Variants in PWWP2B observed in about 807,000 individuals in gnomAD.
PWWP2B encodes the protein PWWP domain containing 2B, also known as PWWP domain-containing protein 2B.
PWWP2B carries 9 observed loss-of-function variants against 15.5 expected under a neutral mutation model. That is an observed-to-expected ratio of 0.58 (90% CI 0.35 to 1.02). The LOEUF is 1.02. Ranked by LOEUF, PWWP2B falls within the 50% of genes least tolerant of loss-of-function variation. The pLI is 0.02. For synonymous variants in PWWP2B, 474 were observed against 403.6 expected (o/e 1.17, Z -2.09); for missense variants, 864 against 865.3 (o/e 1.00, Z 0.02).
chr10:132,414,515 C>T (rs576136607), intron 2 of PWWP2B, among the ~76,000 whole-genome samples: 2 of 152,316 alleles, frequency 1.3e-5, no homozygotes, highest in East Asian at 3.9e-4. Flanking sequence ...CCTCCTGACC[C>T]ATCTTGCACG....
intron 2 of PWWP2B, among the ~76,000 whole-genome samples, chr10:132,413,670 C>T (rs938424067): frequency 2.0e-5 from 3 of 152,268 alleles, no homozygotes; most frequent in South Asian, 2.1e-4. Flanking sequence ...AGGGCCCCAT[C>T]GTCCTTCCGG....
intron 2 of PWWP2B, among the ~76,000 whole-genome samples, chr10:132,410,931 C>T (rs2069770790): frequency 6.6e-6 from 1 of 152,216 alleles, no homozygotes; most frequent in Non-Finnish European, 1.5e-5. Flanking sequence ...CCCTCCTGCC[C>T]TGGCAGGGGA....
At chr10:132,403,685 A>T (rs1461459070) in intron 1 of PWWP2B, among the ~76,000 whole-genome samples, 1 of 152,250 alleles carries the variant, frequency 6.6e-6, no homozygotes, top group Non-Finnish European at 1.5e-5. Context: ...CGTTAAGCGC[A>T]GGCTGCCCGG....
intron 2 of PWWP2B, among the ~76,000 whole-genome samples, chr10:132,410,145 G>T (rs1166347368): frequency 7.0e-4 from 106 of 152,140 alleles, no homozygotes; most frequent in Non-Finnish European, 1.2e-4. Context: ...CAGGGAGAGT[G>T]ACGGGGGACG....
intron 2 of PWWP2B, among the ~76,000 whole-genome samples, chr10:132,415,645 T>TCACA (rs35691596): frequency 0.16 from 19,954 of 123,604 alleles, 2,503 homozygotes; most frequent in African/African-American, 0.39. Flanking sequence ...ACACACCCAC[T>TCACA]CACACACACA....
intron 2 of PWWP2B, among the ~76,000 whole-genome samples, chr10:132,413,698 G>A (rs567939327): frequency 6.6e-6 from 1 of 152,360 alleles, no homozygotes; most frequent in South Asian, 2.1e-4. Flanking sequence ...GCCTAAGCAG[G>A]CCCCACGCCG....
Position 132,405,226 on chromosome 10 carries a change from C to G in PWWP2B, c.726C>G (p.Ala242=). Residue 242 remains alanine, a synonymous_variant, in exon 2 of 3, where the codon GCC becomes GCG. Coordinates refer to ENST00000305233, the MANE Select transcript of PWWP2B (RefSeq NM_138499.4). ...GGGAGAGGCGCGAGGAGGACAGGGC[C>G]CCGGCAGAGCAGGTCCCGCGGAGCC... ...SKRERREEDR[A]PAEQVPRSPV... is the part of the protein sequence containing the mutation. 6.2e-7 allele frequency: 1 copy of G among 1,601,640 alleles called. No individual in the cohort carries two copies. Among genetic ancestry groups the G allele is most frequent in the Non-Finnish European group, 8.5e-7 (1 of 1,175,406 alleles).
intron 2 of PWWP2B, among the ~76,000 whole-genome samples, chr10:132,415,717 A>T (rs953265502): frequency 6.8e-6 from 1 of 146,798 alleles, no homozygotes; most frequent in Non-Finnish European, 1.5e-5. Flanking sequence ...ACATCCACTC[A>T]CACACACATC....
At position 132,405,149 on chromosome 10, in the gene PWWP2B, G is replaced by GAGCCGGAGA; in HGVS notation, c.651_659dup (p.Glu219_Asn220insLysProGlu). 1.9e-6 allele frequency: 3 copies of GAGCCGGAGA among 1,546,514 alleles called. No individual in the cohort carries two copies. The highest frequency in any genetic ancestry group is 2.6e-6 in the Non-Finnish European group (3 of 1,145,346). ...GGACAGGGAGCTCCGCAAGCCGGAG[G>GAGCCGGAGA]AGCCGGAGAACGGCGAGCCCACGGC... On this transcript the variant is annotated inframe_insertion, in exon 2 of 3. Transcript: ENST00000305233.
chr10:132,405,842 C>T lies in PWWP2B; in HGVS notation c.1342C>T (p.Pro448Ser). 3 of 1,610,640 alleles carry T rather than the reference C, an allele frequency of 1.9e-6. No homozygotes were observed. Among genetic ancestry groups the T allele is most frequent in the Admixed American group, 3.3e-5 (2 of 59,968 alleles). Residue 448 changes from proline (P) to serine (S), a missense_variant, in exon 2 of 3, where the codon CCT (proline) becomes TCT (serine). Physicochemically the swap from Pro to Ser is moderately conservative, Grantham distance 74. Around this residue, in one of 2 missense-constraint regions of PWWP2B, gnomAD observed 736 missense variants for 687.7 expected, o/e 1.07. Transcript: ENST00000305233. ...GTPADTGDLS[P>S]GHGASAPSVS... is the part of the protein sequence containing the mutation. ...GCCGGCAGACACGGGTGACCTCTCGCCTGGCCACGGCGCGTCAGCGCCCTC... is the reference window on the plus strand; with the variant it reads ...GCCGGCAGACACGGGTGACCTCTCGTCTGGCCACGGCGCGTCAGCGCCCTC...
chr10:132,402,794 C>T lies in PWWP2B; in HGVS notation c.126-1832C>T, dbSNP rs142213545. ...GCAAACCTTTTCTGTAAGTGAAAGT[C>T]GCCGGCTTGGGTGGCCCCACTGTGG... On this transcript the variant is annotated intron_variant, in intron 1 of 2. Coordinates refer to ENST00000305233, the MANE Select transcript of PWWP2B (RefSeq NM_138499.4). 2.9e-3 allele frequency among the ~76,000 whole-genome samples: 442 copies of T among 152,362 alleles called. 2 individuals carry two copies. The highest frequency in any genetic ancestry group is 0.017 in the Admixed American group (263 of 15,306).
chr10:132,407,518 C>T (rs928137196), intron 2 of PWWP2B, among the ~76,000 whole-genome samples: 7 of 152,226 alleles, frequency 4.6e-5, no homozygotes, highest in African/African-American at 1.7e-4. Context: ...CCCTCCACTG[C>T]TGCACCCTGC....
At chr10:132,404,529 C>T (rs552091366) in intron 1 of PWWP2B, 97 bp from the exon 2 acceptor site, 52 of 1,065,456 alleles carry the variant, frequency 4.9e-5, no homozygotes, top group African/African-American at 1.9e-4. Context: ...CCAGACCTGC[C>T]GGAGCATGGG....
rs2069670202 is a variant in PWWP2B at position 132,404,993 on chromosome 10, ATCC to A, written c.496_498del (p.Leu166del). 2 of 1,568,802 alleles carry A rather than the reference ATCC, an allele frequency of 1.3e-6. No individual in the cohort carries two copies. Among genetic ancestry groups the A allele is most frequent in the Non-Finnish European group, 8.6e-7 (1 of 1,164,824 alleles). On this transcript the variant is annotated inframe_deletion, in exon 2 of 3. Coordinates refer to ENST00000305233, the MANE Select transcript of PWWP2B (RefSeq NM_138499.4). ...CCGCAACCGCGACCCGGGGCGCCTC[ATCC>A]TCAGCACCATCCGCCTGCGGCCGCG...
At chr10:132,412,672 T>A (rs796785520) in intron 2 of PWWP2B, among the ~76,000 whole-genome samples, 15 of 152,362 alleles carry the variant, frequency 9.8e-5, no homozygotes, top group African/African-American at 3.6e-4. Flanking sequence ...GCCCTGGTCT[T>A]CATTTACTCA....
chr10:132,407,515 C>A (rs2069715777), intron 2 of PWWP2B, among the ~76,000 whole-genome samples: 1 of 152,226 alleles, frequency 6.6e-6, no homozygotes, highest in Admixed American at 6.5e-5. Flanking sequence ...TGCCCCTCCA[C>A]TGCTGCACCC....
chr10:132,409,661 C>G (rs1048959889), intron 2 of PWWP2B, among the ~76,000 whole-genome samples: 1 of 145,742 alleles, frequency 6.9e-6, no homozygotes, highest in Admixed American at 7.1e-5. Context: ...ACCCACACCT[C>G]TACTGAGGGC....
intron 1 of PWWP2B, among the ~76,000 whole-genome samples, chr10:132,404,004 CTCCAGGGCTCCTGCAGGACGGCA>C (rs2069646548): frequency 6.8e-5 from 2 of 29,342 alleles, no homozygotes; most frequent in South Asian, 8.5e-4. Context: ...GGACGGCATT[CTCCAGGGCTCCTGCAGGACGGCA>C]TTCTCCAGGG....
intron 2 of PWWP2B, among the ~76,000 whole-genome samples, chr10:132,414,709 G>A (rs1412151388): frequency 6.6e-6 from 1 of 152,232 alleles, no homozygotes; most frequent in Non-Finnish European, 1.5e-5. Flanking sequence ...TTGTAGGAAT[G>A]CGTTTGTGTG....
Sources: allele counts gnomAD v4.1 joint callset (sites outside exome capture counted in the v4.1 genomes callset), GRCh38; gene constraint gnomAD v4.1.1; regional missense constraint gnomAD v4.1.1; transcripts MANE v1.5; gene names NCBI Gene and HGNC (gene_info 2026-07-23, HGNC 2026-07-21).